Variants in TMC1 observed in about 807,000 individuals in gnomAD.
TMC1 encodes the protein transmembrane channel-like protein 1.
TMC1 carries 84 observed loss-of-function variants against 105.8 expected under a neutral mutation model. The ratio of observed to expected loss-of-function variants is 0.79; its 90% CI spans 0.67 to 0.95. The LOEUF is 0.95. Among genes scored for constraint, TMC1 ranks in the 40% least tolerant of loss-of-function variants. The pLI is 0.00. For missense variants in TMC1, 817 were observed against 914.1 expected (o/e 0.89, Z 1.37); for synonymous variants, 315 against 311.5 (o/e 1.01, Z -0.12).
chr9:72,837,518 ATTT>A lies in TMC1; in HGVS notation c.*1550_*1552del, dbSNP rs1428912182. 6.6e-6 allele frequency: 1 copy of A among 151,684 alleles called. No homozygotes were observed. The highest frequency in any genetic ancestry group is 2.4e-5 in the African/African-American group (1 of 41,250). The allele number at this position is 151,684 out of a possible 1,614,324, so 9.4% of individuals were successfully genotyped here. On this transcript the variant is annotated 3_prime_UTR_variant, in exon 24 of 24. Transcript: ENST00000297784. ...TAAGCTTGGATTCTAATGTTCTATA[ATTT>A]TTTTCTTTGCTTTTTTTGTTAAGGT... is the stretch of plus-strand genomic sequence containing the variant.
chr9:72,682,907 G>A (rs1826311052), intron 5 of TMC1, among the ~76,000 whole-genome samples: 1 of 152,178 alleles, frequency 6.6e-6, no homozygotes, highest in African/African-American at 2.4e-5. Context: ...ATGGCAGAAG[G>A]CAAAGTTGAG....
At chr9:72,563,435 A>C (rs1409295111) in intron 1 of TMC1, among the ~76,000 whole-genome samples, 2 of 152,204 alleles carry the variant, frequency 1.3e-5, no homozygotes, top group African/African-American at 4.8e-5. Context: ...AGAGACAATG[A>C]AAGCCAGAAT....
chr9:72,656,617 A>G (rs892238213), intron 5 of TMC1, among the ~76,000 whole-genome samples: 2 of 152,092 alleles, frequency 1.3e-5, no homozygotes, highest in African/African-American at 4.8e-5. Context: ...TTTGATTACT[A>G]TTCTGGTTGG....
intron 20 of TMC1, among the ~76,000 whole-genome samples, chr9:72,826,023 C>A (rs1828947403): frequency 6.6e-6 from 1 of 152,094 alleles, no homozygotes; most frequent in African/African-American, 2.4e-5. Context: ...AATACAAAAG[C>A]AAAACTAAAC....
chr9:72,600,690 T>G (rs557094203), intron 2 of TMC1, among the ~76,000 whole-genome samples: 164 of 152,094 alleles, frequency 1.1e-3, no homozygotes, highest in Middle Eastern at 3.4e-3. Flanking sequence ...AATAAGCCAA[T>G]TAAAAAAAGA....
At chr9:72,740,278 A>G (rs950610940) in intron 9 of TMC1, 69 bp downstream of exon 9, 1 of 1,360,726 alleles carries the variant, frequency 7.3e-7, no homozygotes, top group Non-Finnish European at 1.0e-6. Context: ...TCTTTTCTAA[A>G]GGGGTGAAAA....
chr9:72,607,002 T>TATATATAGAGAG (rs372785242), intron 2 of TMC1, among the ~76,000 whole-genome samples: 13 of 134,906 alleles, frequency 9.6e-5, no homozygotes, highest in African/African-American at 1.7e-4. Context: ...TATATATATA[T>TATATATAGAGAG]AGAGAGAGAG....
chr9:72,572,270 C>T (rs1416071518), intron 1 of TMC1, among the ~76,000 whole-genome samples: 1 of 151,908 alleles, frequency 6.6e-6, no homozygotes, highest in East Asian at 1.9e-4. Flanking sequence ...GATCTCGGCT[C>T]ACTGCATCCC....
intron 1 of TMC1, among the ~76,000 whole-genome samples, chr9:72,549,353 C>A (rs2132070561): frequency 6.6e-6 from 1 of 152,252 alleles, no homozygotes; most frequent in Non-Finnish European, 1.5e-5. Flanking sequence ...CTGCCTTGGC[C>A]TCCCAAAGTG....
intron 1 of TMC1, among the ~76,000 whole-genome samples, chr9:72,551,886 A>G (rs1823865295): frequency 6.6e-6 from 1 of 152,170 alleles, no homozygotes; most frequent in Admixed American, 6.5e-5. Context: ...TGATGTGTTT[A>G]CAAGCCAAGG....
intron 2 of TMC1, among the ~76,000 whole-genome samples, chr9:72,585,627 C>T (rs928173715): frequency 3.3e-5 from 5 of 152,210 alleles, no homozygotes; most frequent in Admixed American, 3.3e-4. Context: ...AAGAGTTTCT[C>T]TGGCTTGGAG....
chr9:72,613,801 C>T (rs558552793), intron 2 of TMC1, among the ~76,000 whole-genome samples: 22 of 151,866 alleles, frequency 1.4e-4, no homozygotes, highest in African/African-American at 4.1e-4. Context: ...ACAGGATTAA[C>T]GAAAGTCTCA....
intron 8 of TMC1, among the ~76,000 whole-genome samples, chr9:72,736,398 T>G (rs964892880): frequency 7.9e-5 from 12 of 152,340 alleles, no homozygotes; most frequent in Admixed American, 5.2e-4. Flanking sequence ...GTTTTGCTAG[T>G]TTAATGTTCA....
At chr9:72,575,250 G>A (rs1158872094) in intron 1 of TMC1, among the ~76,000 whole-genome samples, 1 of 151,924 alleles carries the variant, frequency 6.6e-6, no homozygotes, top group Non-Finnish European at 1.5e-5. Context: ...GCGTGATCTC[G>A]GCTCACTGCA....
intron 1 of TMC1, among the ~76,000 whole-genome samples, chr9:72,556,118 AT>A (rs776697230): frequency 0.053 from 7,528 of 140,992 alleles, 319 homozygotes; most frequent in African/African-American, 0.12. Flanking sequence ...TCACCCGTGA[AT>A]TTTTTTTTTT....
intron 18 of TMC1, among the ~76,000 whole-genome samples, chr9:72,806,657 C>T (rs1477899548): frequency 3.3e-5 from 5 of 151,114 alleles, no homozygotes; most frequent in East Asian, 2.0e-4. Flanking sequence ...CCTCACATCC[C>T]AGATGATGGG....
At chr9:72,708,507 C>CTTT (rs71495335) in intron 8 of TMC1, among the ~76,000 whole-genome samples, 1 of 146,422 alleles carries the variant, frequency 6.8e-6, no homozygotes, top group East Asian at 2.0e-4. Context: ...ATCCCAAGTA[C>CTTT]TTTTTTTTTT....
At chr9:72,795,347 G>A (rs939783894) in intron 17 of TMC1, among the ~76,000 whole-genome samples, 17 of 152,144 alleles carry the variant, frequency 1.1e-4, no homozygotes, top group African/African-American at 4.8e-5. Context: ...ACACACAATT[G>A]TCAGGTTTTC....
rs1315403537 is a variant in TMC1 at position 72,680,825 on chromosome 9, G to A, written c.17-7884G>A. On this transcript the variant is annotated intron_variant, in intron 5 of 23. Transcript: ENST00000297784. ...AACAAAAGCAGTGCTACAAAGGAAGGGTAAAGATGTGTACAGAGTTCAGCC... is the reference window on the plus strand; with the variant it reads ...AACAAAAGCAGTGCTACAAAGGAAGAGTAAAGATGTGTACAGAGTTCAGCC... Among the ~76,000 whole-genome samples, 3 of 152,076 alleles carry A rather than the reference G, an allele frequency of 2.0e-5. No homozygotes were observed. The East Asian group carries it at 5.8e-4, about 29-fold the overall frequency.
Sources: allele counts gnomAD v4.1 joint callset (sites outside exome capture counted in the v4.1 genomes callset), GRCh38; gene constraint gnomAD v4.1.1; transcripts MANE v1.5; gene names NCBI Gene and HGNC (gene_info 2026-07-23, HGNC 2026-07-21).